Variants in EXOSC4 observed in about 807,000 individuals in gnomAD.
The protein encoded by EXOSC4 is exosome component 4.
A neutral mutation model predicts 20.0 loss-of-function variants in EXOSC4; 14 were observed. The ratio of observed to expected loss-of-function variants is 0.70; its 90% CI spans 0.46 to 1.09. The LOEUF is 1.09. EXOSC4 is among the 50% of genes least tolerant of loss of function. EXOSC4 has a pLI of 0.00. For missense variants in EXOSC4, 337 were observed against 334.0 expected (o/e 1.01, Z -0.07); for synonymous variants, 148 against 146.4 (o/e 1.01, Z -0.08).
At chr8:144,079,881 A>G (rs1554763229) in intron 1 of EXOSC4, 62 bp from the exon 2 acceptor site, 1 of 1,480,522 alleles carries the variant, frequency 6.8e-7, no homozygotes, top group South Asian at 1.1e-5. Flanking sequence ...GCAGACCCAC[A>G]GAGGACAGTG....
Position 144,078,699 on chromosome 8 carries a change from G to C in EXOSC4, c.-30G>C. On this transcript the variant is annotated 5_prime_UTR_variant, in exon 1 of 3. Coordinates refer to ENST00000316052, the MANE Select transcript of EXOSC4 (RefSeq NM_019037.3). The surrounding 1 kb of genome is among the most constrained non-coding windows in gnomAD (Gnocchi z 4.7). Reference sequence around the variant, plus strand: ...AGTTCTCCCGCGGCTCAGAGAAGTAGGCAGAGAGCGGACCTGGCGGCCGGG... The same window carrying C: ...AGTTCTCCCGCGGCTCAGAGAAGTACGCAGAGAGCGGACCTGGCGGCCGGG... The C allele has an allele frequency of 3.6e-6, 5 of 1,388,732 alleles. No individual in the cohort carries two copies. Among genetic ancestry groups the C allele is most frequent in the Non-Finnish European group, 2.8e-6 (3 of 1,065,750 alleles). 86.0% of individuals were successfully genotyped at this position (1,388,732 alleles called of 1,614,324 possible). A position where few individuals can be genotyped will look rare whatever the true frequency, so the allele number is the denominator to read the frequency against.
rs377151990 is a variant in EXOSC4, at chr8:144,080,375, C to A, written c.512C>A (p.Ala171Glu). 1 of 1,612,276 alleles carries A rather than the reference C, an allele frequency of 6.2e-7. No homozygotes were observed. The highest frequency in any genetic ancestry group is 1.3e-5 in the African/African-American group (1 of 75,036). ...SAGFVDGTALADLSHVEEAAG... is the reference protein window; with the variant it reads ...SAGFVDGTALEDLSHVEEAAG... ...GGCTTCGTGGACGGCACAGCCCTGG[C>A]GGACCTCAGCCATGTGGAGGAAGCA... is the stretch of plus-strand genomic sequence containing the variant. The change falls in exon 3 of 3, where the codon GCG (alanine) becomes GAG (glutamate). Residue 171 changes from alanine (A) to glutamate (E), a missense_variant. Coordinates refer to ENST00000316052, the MANE Select transcript of EXOSC4 (RefSeq NM_019037.3). This position sits in a 1 kb window ranked among gnomAD's most constrained non-coding sequence, Gnocchi z 4.9.
the EXOSC4 span, among the ~76,000 whole-genome samples, chr8:144,072,273 C>G: frequency 6.6e-6 from 1 of 152,138 alleles, no homozygotes; most frequent in South Asian, 2.1e-4. Context: ...CTCCACCTCC[C>G]GGGTTCCAGT....
chr8:144,080,474 G>A lies in EXOSC4; in HGVS notation c.611G>A (p.Arg204Gln), dbSNP rs373942429. The change falls in exon 3 of 3, where the codon CGG becomes CAG. Residue 204 changes from arginine to glutamine, a missense_variant. Coordinates refer to ENST00000316052, the MANE Select transcript of EXOSC4 (RefSeq NM_019037.3). This position sits in a 1 kb window ranked among gnomAD's most constrained non-coding sequence, Gnocchi z 4.9. Reference sequence around the variant, plus strand: ...ATTGCGCTGCTTGAGATGGATGCCCGGCTGCACGAGGACCACCTGGAGCGG... The same window carrying A: ...ATTGCGCTGCTTGAGATGGATGCCCAGCTGCACGAGGACCACCTGGAGCGG... ...GQIALLEMDA[R>Q]LHEDHLERVL... is the part of the protein sequence containing the mutation. 1.8e-5 allele frequency: 29 copies of A among 1,608,020 alleles called. No homozygotes were observed. Among genetic ancestry groups the A allele is most frequent in the African/African-American group, 8.0e-5 (6 of 75,030 alleles).
At chr8:144,070,684 C>T in the EXOSC4 span, among the ~76,000 whole-genome samples, 3 of 151,244 alleles carry the variant, frequency 2.0e-5, no homozygotes, top group East Asian at 5.9e-4. Context: ...AAACATTAGC[C>T]GGGCATGGTG....
the EXOSC4 span, among the ~76,000 whole-genome samples, chr8:144,066,770 T>G: frequency 6.6e-6 from 1 of 152,010 alleles, no homozygotes; most frequent in Non-Finnish European, 1.5e-5. Context: ...GTATTTCTGA[T>G]AGTTGGAGAG....
chr8:144,073,215 A>G, the EXOSC4 span, among the ~76,000 whole-genome samples: 60 of 152,238 alleles, frequency 3.9e-4, 1 homozygote, highest in African/African-American at 1.3e-3. Context: ...CCCCATCTCT[A>G]CTAAAAATAC....
chr8:144,070,096 A>G, the EXOSC4 span, among the ~76,000 whole-genome samples: 4 of 152,244 alleles, frequency 2.6e-5, no homozygotes, highest in East Asian at 1.9e-4. Context: ...GTTTCTTTCT[A>G]GTAAACCCAG....
Position 144,080,342 on chromosome 8 carries a change from G to A in EXOSC4, c.479G>A (p.Cys160Tyr). The A allele has an allele frequency of 6.2e-7, 1 of 1,613,356 alleles. No individual in the cohort carries two copies. Among genetic ancestry groups the A allele is most frequent in the Non-Finnish European group, 8.5e-7 (1 of 1,180,016 alleles). ...CCCATGAGAGACTTTGTGTGTGCGT[G>A]CTCAGCTGGCTTCGTGGACGGCACA... ...GIPMRDFVCACSAGFVDGTAL... is the reference protein window; with the variant it reads ...GIPMRDFVCAYSAGFVDGTAL... The change falls in exon 3 of 3, where the codon TGC (cysteine) becomes TAC (tyrosine). Residue 160 changes from cysteine to tyrosine, a missense_variant. Cys to Tyr is a radical substitution (Grantham distance 194). Coordinates refer to ENST00000316052, the MANE Select transcript of EXOSC4 (RefSeq NM_019037.3). The surrounding 1 kb of genome is among the most constrained non-coding windows in gnomAD (Gnocchi z 4.9).
chr8:144,064,442 A>G, the EXOSC4 span, among the ~76,000 whole-genome samples: 1 of 152,368 alleles, frequency 6.6e-6, no homozygotes, highest in South Asian at 2.1e-4. Context: ...GGGCCCAGCA[A>G]CAGCAGGAGC....
upstream of EXOSC4, among the ~76,000 whole-genome samples, chr8:144,075,336 C>T (rs1344234261): frequency 6.6e-6 from 1 of 152,102 alleles, no homozygotes; most frequent in Admixed American, 6.5e-5. Context: ...ACGCCATTCT[C>T]CTGCCTCAGC....
At chr8:144,073,567 G>A in the EXOSC4 span, among the ~76,000 whole-genome samples, 27 of 151,292 alleles carry the variant, frequency 1.8e-4, no homozygotes, top group East Asian at 9.9e-4. Flanking sequence ...AAATACTAAC[G>A]ACCGGCCGGG....
In EXOSC4 at chr8:144,080,019, C is replaced by G; in HGVS notation, c.248C>G (p.Thr83Arg). The change falls in exon 2 of 3, where the codon ACA becomes AGA. Residue 83 changes from threonine (T) to arginine (R), a missense_variant. Transcript: ENST00000316052. The surrounding 1 kb of genome is among the most constrained non-coding windows in gnomAD (Gnocchi z 4.9). ...CAATATAGTTCAGCGACCTTCAGCA[C>G]AGGTGAGCGCAAGCGACGGCCACAT... ...NCQYSSATFS[T>R]GERKRRPHGD... 6.2e-7 allele frequency: 1 copy of G among 1,614,092 alleles called. No homozygotes were observed. Among genetic ancestry groups the G allele is most frequent in the Non-Finnish European group, 8.5e-7 (1 of 1,180,026 alleles).
At chr8:144,078,560 A>C (rs1554762982), upstream of EXOSC4, 1 of 638,614 alleles carries the variant, frequency 1.6e-6, no homozygotes, top group African/African-American at 1.9e-5. The surrounding 1 kb of genome is among the most constrained non-coding windows in gnomAD (Gnocchi z 4.7). Flanking sequence ...AACGCCGGAA[A>C]CCGCAGATCC....
At chr8:144,069,661 C>A in the EXOSC4 span, among the ~76,000 whole-genome samples, 1 of 152,252 alleles carries the variant, frequency 6.6e-6, no homozygotes, top group African/African-American at 2.4e-5. Flanking sequence ...GAGGTACATT[C>A]ATAGGCTTCA....
At chr8:144,068,728 C>G in the EXOSC4 span, among the ~76,000 whole-genome samples, 1 of 152,358 alleles carries the variant, frequency 6.6e-6, no homozygotes, top group Non-Finnish European at 1.5e-5. Context: ...CGGTCCCTGG[C>G]TCCATCATAA....
Position 144,078,803 on chromosome 8 carries a change from C to T in EXOSC4, c.75C>T (p.Ile25=), listed in dbSNP as rs782660594. The T allele has an allele frequency of 3.8e-6, 6 of 1,574,440 alleles. No homozygotes were observed. Among genetic ancestry groups the T allele is most frequent in the African/African-American group, 1.4e-5 (1 of 72,042 alleles). The stretch of plus-strand genomic sequence containing the variant: ...GGCGCGCCGGGGAGCTGCGCAAGAT[C>T]CAGGCGCGGATGGGCGTGTTCGCGC... ...DGRRAGELRK[I]QARMGVFAQA... The change falls in exon 1 of 3, where the codon ATC becomes ATT. Residue 25 remains isoleucine (I), a synonymous_variant. Coordinates refer to ENST00000316052, the MANE Select transcript of EXOSC4 (RefSeq NM_019037.3). This position sits in a 1 kb window ranked among gnomAD's most constrained non-coding sequence, Gnocchi z 4.7.
upstream of EXOSC4, among the ~76,000 whole-genome samples, chr8:144,076,934 G>A (rs565705049): frequency 9.6e-4 from 146 of 152,296 alleles, no homozygotes; most frequent in Non-Finnish European, 1.7e-3. Context: ...AGCAGGGCAT[G>A]GTGGTGCATG....
chr8:144,078,841 C>T lies in EXOSC4; in HGVS notation c.113C>T (p.Ser38Leu), dbSNP rs781919685. ...RMGVFAQADG[S>L]AYIEQGNTKA... ...GGCGTGTTCGCGCAGGCTGACGGCT[C>T]GGCCTACATTGAGCAGGGCAACACC... Residue 38 changes from serine to leucine, a missense_variant, in exon 1 of 3, where the codon TCG becomes TTG. Coordinates refer to ENST00000316052, the MANE Select transcript of EXOSC4 (RefSeq NM_019037.3). This position sits in a 1 kb window ranked among gnomAD's most constrained non-coding sequence, Gnocchi z 4.7. 1.9e-6 allele frequency: 3 copies of T among 1,579,460 alleles called. No individual in the cohort carries two copies. Among genetic ancestry groups the T allele is most frequent in the Admixed American group, 1.8e-5 (1 of 55,996 alleles).
Sources: allele counts gnomAD v4.1 joint callset (sites outside exome capture counted in the v4.1 genomes callset), GRCh38; gene constraint gnomAD v4.1.1; non-coding constraint Gnocchi (gnomAD v3.1); transcripts MANE v1.5; gene names NCBI Gene and HGNC (gene_info 2026-07-23, HGNC 2026-07-21).